PCDHA4: variants seen among roughly 807,000 people sequenced by gnomAD.
PCDHA4 encodes the protein protocadherin alpha-4.
In PCDHA4, 49 loss-of-function variants were observed where a neutral mutation model predicts 61.4. The observed-to-expected ratio is 0.80, with a 90% CI of 0.63 to 1.01. PCDHA4 has a LOEUF of 1.01. Ranked by LOEUF, PCDHA4 falls within the 50% of genes least tolerant of loss-of-function variation. The probability of loss-of-function intolerance (pLI) is 0.00; values close to 1 mark genes in which losing one functional copy is unlikely to be tolerated. For synonymous variants in PCDHA4, 590 were observed against 550.3 expected (o/e 1.07, Z -1.01); for missense variants, 1,254 against 1,235.8 (o/e 1.01, Z -0.22).
chr5:140,902,855 G>A lies in PCDHA4; in HGVS notation c.2386-76094G>A, dbSNP rs137957286. On this transcript the variant is annotated intron_variant, in intron 1 of 3. Coordinates refer to ENST00000530339, the MANE Select transcript of PCDHA4 (RefSeq NM_018907.4). ...GAGTTACTTCACTTAGAAAAATGGC[G>A]TCCAGGTCCACCCAAGCTGCTGCAA... is the stretch of plus-strand genomic sequence containing the variant. Among the ~76,000 whole-genome samples, 742 of 152,204 alleles carry A rather than the reference G, an allele frequency of 4.9e-3. 1 individual carries two copies. The highest frequency in any genetic ancestry group is 7.5e-3 in the Admixed American group (115 of 15,274).
At chr5:140,858,605 T>C (rs553423419) in intron 1 of PCDHA4, 1 of 1,265,752 alleles carries the variant, frequency 7.9e-7, no homozygotes, top group South Asian at 1.5e-5. Flanking sequence ...AGTTTTAAAA[T>C]TTTTTTATCC....
chr5:140,858,074 A>T (rs782716439), intron 1 of PCDHA4: 3 of 1,597,640 alleles, frequency 1.9e-6, no homozygotes, highest in Middle Eastern at 1.7e-4. Context: ...CCAGGCACCC[A>T]AGGCCTCGTC....
chr5:140,852,884 T>TA lies in PCDHA4; in HGVS notation c.2385+43313dup, dbSNP rs1237249071. On this transcript the variant is annotated intron_variant, in intron 1 of 3. Transcript: ENST00000530339. ...CTATGTCATCAATAATCATAAAACG[T>TA]ATTTTTTTTTTTGAGTCAGAGTCTC... The TA allele has an allele frequency of 2.1e-6, 2 of 931,694 alleles. 1 individual carries two copies. The highest frequency in any genetic ancestry group is 3.6e-5 in the African/African-American group (2 of 55,516). The allele number at this position is 931,694 out of a possible 1,614,324, so 57.7% of individuals were successfully genotyped here.
rs1764495045 is a variant in PCDHA4 at position 140,809,549 on chromosome 5, A to C, written c.2362A>C (p.Thr788Pro). The part of the protein sequence containing the change: ...DSRDREDQLQ[T>P]TEESFAKPRQ... ...TAGGGACAGAGAAGATCAGCTGCAGACAACTGAGGAATCCTTTGCAAAGGT... is the reference window on the plus strand; with the variant it reads ...TAGGGACAGAGAAGATCAGCTGCAGCCAACTGAGGAATCCTTTGCAAAGGT... Residue 788 changes from threonine to proline, a missense_variant, in exon 1 of 4, where the codon ACA (threonine) becomes CCA (proline). Coordinates refer to ENST00000530339, the MANE Select transcript of PCDHA4 (RefSeq NM_018907.4). 1 of 1,612,046 alleles carries C rather than the reference A, an allele frequency of 6.2e-7. No individual in the cohort carries two copies. The highest frequency in any genetic ancestry group is 8.5e-7 in the Non-Finnish European group (1 of 1,178,884).
At chr5:140,948,903 CTTAGGTAACTGA>C (rs1213410342) in intron 1 of PCDHA4, among the ~76,000 whole-genome samples, 1 of 151,196 alleles carries the variant, frequency 6.6e-6, no homozygotes, top group Non-Finnish European at 1.5e-5. Context: ...TAAGTGGATT[CTTAGGTAACTGA>C]TTAGGTAACT....
At chr5:140,836,321 C>G (rs2150257689) in intron 1 of PCDHA4, 3 of 1,613,768 alleles carry the variant, frequency 1.9e-6, no homozygotes, top group Non-Finnish European at 2.5e-6. Context: ...CGCGCCACCG[C>G]CTTCTGGTGC....
intron 1 of PCDHA4, chr5:140,878,201 T>C (rs1157119125): frequency 6.1e-6 from 1 of 164,102 alleles, no homozygotes; most frequent in African/African-American, 2.4e-5. Context: ...GTTGCAAGAA[T>C]GGTACAAAGA....
intron 3 of PCDHA4, among the ~76,000 whole-genome samples, chr5:140,996,144 T>C (rs2097714056): frequency 6.6e-6 from 1 of 152,210 alleles, no homozygotes; most frequent in African/African-American, 2.4e-5. Context: ...TCCCATTATC[T>C]TGCCTTCCTT....
chr5:140,868,967 AC>A, intron 1 of PCDHA4: 1 of 1,435,870 alleles, frequency 7.0e-7, no homozygotes, highest in African/African-American at 1.4e-5. Context: ...ATACAAAGGA[AC>A]TCCATCATAC....
rs1554262965 is a variant in PCDHA4 at position 141,010,497 on chromosome 5, T to A, written c.*560T>A. Reference sequence around the variant, plus strand: ...AAGTGTAAACTTAAAGGGACCAGACTTTCTAAATCTTACAACTCAAGAGGT... The same window carrying A: ...AAGTGTAAACTTAAAGGGACCAGACATTCTAAATCTTACAACTCAAGAGGT... On this transcript the variant is annotated 3_prime_UTR_variant, in exon 4 of 4. Coordinates refer to ENST00000530339, the MANE Select transcript of PCDHA4 (RefSeq NM_018907.4). The A allele has an allele frequency of 1.7e-6, 1 of 584,358 alleles. No homozygotes were observed. Among genetic ancestry groups the A allele is most frequent in the African/African-American group, 1.9e-5 (1 of 53,100 alleles). 36.2% of individuals were successfully genotyped at this position (584,358 alleles called of 1,614,324 possible).
intron 1 of PCDHA4, among the ~76,000 whole-genome samples, chr5:140,885,351 G>T (rs2060569192): frequency 1.3e-5 from 2 of 152,052 alleles, no homozygotes; most frequent in Admixed American, 6.5e-5. Context: ...TTTCCAAAAG[G>T]TACTGGTGAC....
chr5:140,990,977 G>T (rs1554251868), intron 3 of PCDHA4, among the ~76,000 whole-genome samples: 1 of 152,156 alleles, frequency 6.6e-6, no homozygotes, highest in African/African-American at 2.4e-5. Context: ...CAAGAGAAAG[G>T]AAGACAATAG....
At chr5:140,969,576 G>A (rs982215577) in intron 1 of PCDHA4, 3 of 984,900 alleles carry the variant, frequency 3.0e-6, no homozygotes, top group Admixed American at 2.9e-5. Flanking sequence ...TTTGAGAAGT[G>A]AGGATTAGTC....
intron 1 of PCDHA4, chr5:140,858,050 C>G: frequency 6.3e-7 from 1 of 1,597,552 alleles, no homozygotes; most frequent in Non-Finnish European, 8.6e-7. Flanking sequence ...GCTTGTGTCG[C>G]TTGTGGAGGG....
chr5:141,004,883 A>T (rs1273215928), intron 3 of PCDHA4, among the ~76,000 whole-genome samples: 4 of 152,132 alleles, frequency 2.6e-5, no homozygotes, highest in Admixed American at 2.0e-4. Flanking sequence ...CTAAAGTGCT[A>T]TTGTGTCAGC....
At chr5:140,824,317 G>A in intron 1 of PCDHA4, 1 of 731,928 alleles carries the variant, frequency 1.4e-6, no homozygotes, top group Non-Finnish European at 2.3e-6. Context: ...AGATTCATCA[G>A]CTTTCTGTGA....
At chr5:140,860,133 G>GTATATATATGTATATATGTGTA (rs2046204026) in intron 1 of PCDHA4, 2 of 149,192 alleles carry the variant, frequency 1.3e-5, no homozygotes, top group African/African-American at 2.5e-5. Context: ...GTGTGTGTGT[G>GTATATATATGTATATATGTGTA]TATATATATG....
chr5:140,886,945 A>T (rs2061235497), intron 1 of PCDHA4, among the ~76,000 whole-genome samples: 1 of 152,148 alleles, frequency 6.6e-6, no homozygotes, highest in Admixed American at 6.5e-5. Flanking sequence ...TGTTCTACAC[A>T]TTAGACATTT....
At chr5:140,831,021 T>G in intron 1 of PCDHA4, 1 of 152,424 alleles carries the variant, frequency 6.6e-6, no homozygotes, top group Non-Finnish European at 1.5e-5. Context: ...CTTTTCAGAC[T>G]TGTGATTCCG....
Sources: gnomAD v4.1 joint callset for allele counts (sites outside exome capture counted in the v4.1 genomes callset) on GRCh38, gnomAD v4.1.1 for gene constraint, MANE v1.5 for transcripts, NCBI Gene and HGNC (gene_info 2026-07-23, HGNC 2026-07-21) for gene names.